Variants in STK39 observed in about 807,000 individuals in gnomAD.
The protein encoded by STK39 is STE20/SPS1-related proline-alanine-rich protein kinase.
STK39 carries 20 observed loss-of-function variants against 77.8 expected under a neutral mutation model. That is an observed-to-expected ratio of 0.26 (90% CI 0.18 to 0.37). The LOEUF (loss-of-function observed/expected upper bound fraction) is 0.37. STK39 is among the 10% of genes least tolerant of loss of function. The pLI is 1.00. For missense variants in STK39, 479 were observed against 656.5 expected (o/e 0.73, Z 2.95); for synonymous variants, 246 against 234.1 (o/e 1.05, Z -0.47).
chr2:167,997,877 C>T (rs964790984), intron 16 of STK39, among the ~76,000 whole-genome samples: 7 of 151,968 alleles, frequency 4.6e-5, no homozygotes, highest in Admixed American at 1.3e-4. Context: ...AAAATTTCTA[C>T]GCCATGAGAC....
chr2:168,046,525 T>G (rs958149112), intron 14 of STK39, among the ~76,000 whole-genome samples: 5 of 152,204 alleles, frequency 3.3e-5, no homozygotes, highest in Non-Finnish European at 7.3e-5. Flanking sequence ...TCAAGCCATC[T>G]TGCCATCACC....
At chr2:168,045,669 C>A (rs1208640544) in intron 14 of STK39, among the ~76,000 whole-genome samples, 1 of 152,150 alleles carries the variant, frequency 6.6e-6, no homozygotes, top group Admixed American at 6.5e-5. Context: ...GTCACCCTAG[C>A]ACTGTTCCTA....
At chr2:168,012,516 CAAG>C (rs1287978035) in intron 16 of STK39, 115 bp downstream of exon 16, 1 of 791,160 alleles carries the variant, frequency 1.3e-6, no homozygotes, top group Non-Finnish European at 2.0e-6. Flanking sequence ...GATAAGAATT[CAAG>C]AAGAATTCTT....
chr2:168,065,619 T>C (rs1344813430), intron 12 of STK39, among the ~76,000 whole-genome samples: 1 of 152,170 alleles, frequency 6.6e-6, no homozygotes, highest in Non-Finnish European at 1.5e-5. Context: ...AGAATCTGTG[T>C]CTTTACCAAG....
chr2:168,187,433 T>A (rs1689236827), intron 1 of STK39, among the ~76,000 whole-genome samples: 1 of 152,186 alleles, frequency 6.6e-6, no homozygotes, highest in African/African-American at 2.4e-5. Context: ...ACATACTAAC[T>A]GCTTATGCTT....
chr2:168,121,513 A>G (rs779569156), intron 10 of STK39, among the ~76,000 whole-genome samples: 1 of 152,200 alleles, frequency 6.6e-6, no homozygotes, highest in Non-Finnish European at 1.5e-5. Flanking sequence ...AAAAGAAAAC[A>G]TGAAGACAGG....
Position 168,236,533 on chromosome 2 carries a change from A to C in STK39, c.208+10695T>G, listed in dbSNP as rs549667649. On this transcript the variant is annotated intron_variant, in intron 1 of 17. Coordinates refer to ENST00000355999, the MANE Select transcript of STK39 (RefSeq NM_013233.3). ...AGACATGAAGTCCTTGCCCATGCCT[A>C]TGTCCTGAATGGTATTGCCTAGGTT... 2.2e-3 allele frequency among the ~76,000 whole-genome samples: 341 copies of C among 152,260 alleles called. 3 individuals are homozygous for C. Among genetic ancestry groups the C allele is most frequent in the African/African-American group, 7.8e-3 (324 of 41,544 alleles).
chr2:168,219,714 A>G (rs1690115193), intron 1 of STK39, among the ~76,000 whole-genome samples: 5 of 152,132 alleles, frequency 3.3e-5, no homozygotes, highest in Admixed American at 2.6e-4. Context: ...GTGTTGTCTA[A>G]TGGTCCAGGT....
At chr2:168,116,733 T>C (rs752332373) in intron 10 of STK39, among the ~76,000 whole-genome samples, 7 of 152,176 alleles carry the variant, frequency 4.6e-5, no homozygotes, top group African/African-American at 9.7e-5. Flanking sequence ...CCACAGATGA[T>C]AGAACCCTTC....
At chr2:168,138,467 T>C (rs1157309444) in intron 7 of STK39, among the ~76,000 whole-genome samples, 2 of 152,238 alleles carry the variant, frequency 1.3e-5, no homozygotes, top group East Asian at 3.9e-4. Flanking sequence ...GTGTTAAGAA[T>C]GATCCCGGAC....
chr2:168,217,533 A>G (rs1421544034), intron 1 of STK39, among the ~76,000 whole-genome samples: 2 of 152,216 alleles, frequency 1.3e-5, no homozygotes, highest in African/African-American at 4.8e-5. Context: ...CACAAAAGAA[A>G]AAAGATATAC....
At chr2:168,047,676 G>A (rs2105361612) in intron 14 of STK39, among the ~76,000 whole-genome samples, 1 of 152,292 alleles carries the variant, frequency 6.6e-6, no homozygotes, top group East Asian at 1.9e-4. Context: ...CCAAGGTAAA[G>A]GATTAATATA....
intron 17 of STK39, among the ~76,000 whole-genome samples, chr2:167,956,862 A>C (rs1215044482): frequency 6.6e-6 from 1 of 151,922 alleles, no homozygotes; most frequent in East Asian, 1.9e-4. Context: ...ATGGGCAATT[A>C]ATTACCAAAG....
At chr2:168,100,497 C>G (rs1377397878) in intron 10 of STK39, among the ~76,000 whole-genome samples, 1 of 152,180 alleles carries the variant, frequency 6.6e-6, no homozygotes. Flanking sequence ...CTCCTGGGCT[C>G]AAGCGATCCT....
At chr2:168,192,098 C>T (rs1343391707) in intron 1 of STK39, among the ~76,000 whole-genome samples, 1 of 152,168 alleles carries the variant, frequency 6.6e-6, no homozygotes, top group Non-Finnish European at 1.5e-5. Flanking sequence ...TTACTGCTGG[C>T]AGAGGGAAAG....
chr2:167,972,275 C>T (rs112479613), intron 16 of STK39, among the ~76,000 whole-genome samples: 1 of 152,274 alleles, frequency 6.6e-6, no homozygotes, highest in East Asian at 1.9e-4. Context: ...TTAATTACCA[C>T]AAGAAAAGAA....
chr2:167,955,478 G>T lies in STK39; in HGVS notation c.*18C>A. The T allele has an allele frequency of 6.2e-7, 1 of 1,611,446 alleles. No individual in the cohort carries two copies. The highest frequency in any genetic ancestry group is 1.1e-5 in the South Asian group (1 of 90,902). On this transcript the variant is annotated 3_prime_UTR_variant, in exon 18 of 18. Transcript: ENST00000355999. ...GCGGTGGGGCATGACAGATCAGGGT[G>T]ACATCAAGGGACATACATCAGCTGA...
intron 14 of STK39, among the ~76,000 whole-genome samples, chr2:168,061,242 CAA>C (rs35903727): frequency 8.0e-6 from 1 of 124,278 alleles, no homozygotes. Context: ...GTGTGGATTA[CAA>C]AAAAAAAAAA....
chr2:168,109,647 G>A (rs1372894609), intron 10 of STK39, among the ~76,000 whole-genome samples: 1 of 152,142 alleles, frequency 6.6e-6, no homozygotes. Context: ...TGTCCAAATT[G>A]GTTGTGCCAG....
Sources: allele counts gnomAD v4.1 joint callset (sites outside exome capture counted in the v4.1 genomes callset), GRCh38; gene constraint gnomAD v4.1.1; transcripts MANE v1.5; gene names NCBI Gene and HGNC (gene_info 2026-07-23, HGNC 2026-07-21).